SPOCK3: variants seen among roughly 807,000 people sequenced by gnomAD.
SPOCK3 encodes testican-3.
A neutral mutation model predicts 56.6 loss-of-function variants in SPOCK3; 30 were observed. The ratio of observed to expected loss-of-function variants is 0.53; its 90% confidence interval spans 0.40 to 0.72. The LOEUF (loss-of-function observed/expected upper bound fraction) is 0.72. Ranked by LOEUF, SPOCK3 falls within the 30% of genes least tolerant of loss-of-function variation. SPOCK3 has a pLI of 0.00. For synonymous variants in SPOCK3, 196 were observed against 183.3 expected, an observed-to-expected ratio of 1.07 and a Z score of -0.56; for missense variants, 527 against 530.0, an observed-to-expected ratio of 0.99 and a Z score of 0.06.
intron 6 of SPOCK3, among the ~76,000 whole-genome samples, chr4:166,842,283 T>C (rs1560919542): frequency 1.3e-5 from 2 of 152,232 alleles, no homozygotes; most frequent in Non-Finnish European, 2.9e-5. Context: ...ATTCCTTATC[T>C]GGCCCCACCC....
At chr4:166,985,564 A>G (rs1561086503) in intron 4 of SPOCK3, among the ~76,000 whole-genome samples, 1 of 152,162 alleles carries the variant, frequency 6.6e-6, no homozygotes, top group Non-Finnish European at 1.5e-5. Context: ...CTTAAATTGA[A>G]AAGTATCACA....
rs976106214 is a variant in SPOCK3, at chr4:166,950,023, T to C, written c.351-37280A>G. Reference sequence around the variant, plus strand: ...CCATCGAGACTAGGAAGAAACTGCATCAACTAACGAGCAAAATAACCAGCT... The same window carrying C: ...CCATCGAGACTAGGAAGAAACTGCACCAACTAACGAGCAAAATAACCAGCT... On this transcript the variant is annotated intron_variant, in intron 4 of 10. Coordinates refer to ENST00000357545, the MANE Select transcript of SPOCK3 (RefSeq NM_001040159.2). Among the ~76,000 whole-genome samples, 2 of 149,744 alleles carry C rather than the reference T, an allele frequency of 1.3e-5. 1 individual carries two copies. Among genetic ancestry groups the C allele is most frequent in the Admixed American group, 1.3e-4 (2 of 15,118 alleles).
At chr4:167,160,953 C>A (rs1445461582) in intron 2 of SPOCK3, among the ~76,000 whole-genome samples, 1 of 152,014 alleles carries the variant, frequency 6.6e-6, no homozygotes, top group Non-Finnish European at 1.5e-5. Context: ...AGAAGAAAAC[C>A]TAGGCAATAC....
chr4:167,038,299 AGAAAGAAAAG>A (rs1259655596), intron 3 of SPOCK3, among the ~76,000 whole-genome samples: 38 of 152,218 alleles, frequency 2.5e-4, no homozygotes, highest in African/African-American at 8.9e-4. Context: ...GTTTGACCAA[AGAAAGAAAAG>A]AAAGGGTAAA....
intron 2 of SPOCK3, among the ~76,000 whole-genome samples, chr4:167,169,875 G>T (rs1730344112): frequency 6.6e-6 from 1 of 152,192 alleles, no homozygotes; most frequent in South Asian, 2.1e-4. Context: ...TAATGAATGA[G>T]TCTCACAAGA....
At chr4:166,860,314 TAGAGAC>T (rs1267411098) in intron 6 of SPOCK3, among the ~76,000 whole-genome samples, 1 of 152,030 alleles carries the variant, frequency 6.6e-6, no homozygotes, top group Non-Finnish European at 1.5e-5. Flanking sequence ...TTACCTGGGG[TAGAGAC>T]ATTTTAAGTA....
intron 2 of SPOCK3, among the ~76,000 whole-genome samples, chr4:167,081,962 C>A (rs1021474143): frequency 3.3e-5 from 5 of 152,024 alleles, no homozygotes; most frequent in African/African-American, 1.2e-4. Context: ...TTGTTCCTCC[C>A]ATGAATTCTT....
At chr4:167,085,321 T>C (rs1758096016) in intron 2 of SPOCK3, among the ~76,000 whole-genome samples, 2 of 152,218 alleles carry the variant, frequency 1.3e-5, no homozygotes, top group Admixed American at 1.3e-4. Flanking sequence ...CCTTAGCTAT[T>C]AAATTGCTTA....
chr4:167,229,049 C>T (rs1736872041), intron 2 of SPOCK3, among the ~76,000 whole-genome samples: 1 of 152,088 alleles, frequency 6.6e-6, no homozygotes, highest in African/African-American at 2.4e-5. Flanking sequence ...TGCCTATGTT[C>T]TCAACTACAG....
intron 2 of SPOCK3, among the ~76,000 whole-genome samples, chr4:167,220,377 A>ATTTTTTTTTTT: frequency 2.1e-5 from 2 of 93,526 alleles, no homozygotes; most frequent in Non-Finnish European, 4.0e-5. Flanking sequence ...TACTGTAAGA[A>ATTTTTTTTTTT]CTTTTTTTTT....
chr4:166,978,928 G>C (rs1746276573), intron 4 of SPOCK3, among the ~76,000 whole-genome samples: 1 of 152,102 alleles, frequency 6.6e-6, no homozygotes, highest in Non-Finnish European at 1.5e-5. Flanking sequence ...GTGCGGAAGA[G>C]GCTGGGAAGG....
At position 166,754,680 on chromosome 4, in the gene SPOCK3, C is replaced by T. The variant is rs566748423; in HGVS notation, c.759G>A (p.Met253Ile). 6.2e-7 allele frequency: 1 copy of T among 1,613,686 alleles called. No homozygotes were observed. The highest frequency in any genetic ancestry group is 1.3e-5 in the African/African-American group (1 of 75,012). The stretch of plus-strand genomic sequence containing the variant: ...CATAGTTTGTATCAAGTCTGTTAAA[C>T]ATCCAGCCAAGTGAGTCCTTGCAAA... ...LPICKDSLGW[M>I]FNRLDTNYDL... The change falls in exon 8 of 11, where the codon ATG becomes ATA. Residue 253 changes from methionine (M) to isoleucine (I), a missense_variant. Physicochemically the swap from Met to Ile is conservative, Grantham distance 10. Coordinates refer to ENST00000357545, the MANE Select transcript of SPOCK3 (RefSeq NM_001040159.2).
At chr4:166,796,076 G>A (rs1004889286) in intron 6 of SPOCK3, among the ~76,000 whole-genome samples, 2 of 152,116 alleles carry the variant, frequency 1.3e-5, no homozygotes, top group African/African-American at 2.4e-5. Context: ...TCTATGAACC[G>A]GGACCTGGGC....
At chr4:167,026,138 T>G (rs1751677302) in intron 3 of SPOCK3, among the ~76,000 whole-genome samples, 1 of 152,120 alleles carries the variant, frequency 6.6e-6, no homozygotes, top group East Asian at 1.9e-4. Context: ...TGTTGTTGAT[T>G]GAAACATAAT....
intron 6 of SPOCK3, among the ~76,000 whole-genome samples, chr4:166,826,021 T>C (rs1224508613): frequency 3.3e-5 from 5 of 152,020 alleles, no homozygotes; most frequent in Non-Finnish European, 7.4e-5. Flanking sequence ...CAAAACCACC[T>C]GTTCCCCAAA....
chr4:167,208,000 G>C (rs927942232), intron 2 of SPOCK3, among the ~76,000 whole-genome samples: 11 of 152,120 alleles, frequency 7.2e-5, no homozygotes, highest in Admixed American at 7.2e-4. Flanking sequence ...GGCCTTCTGA[G>C]CTTCTCAGGT....
At chr4:167,222,467 GATTTATATATAAACATATAT>G (rs1426629020) in intron 2 of SPOCK3, among the ~76,000 whole-genome samples, 1 of 137,144 alleles carries the variant, frequency 7.3e-6, no homozygotes, top group Non-Finnish European at 1.6e-5. Context: ...AAATTATATA[GATTTATATATAAACATATAT>G]ATTACATATG....
At chr4:166,895,555 C>T (rs1735288862) in intron 5 of SPOCK3, among the ~76,000 whole-genome samples, 1 of 152,062 alleles carries the variant, frequency 6.6e-6, no homozygotes, top group South Asian at 2.1e-4. Context: ...GTTACCCAAA[C>T]ATAAAAATAC....
chr4:167,099,471 G>A (rs958886042), intron 2 of SPOCK3, among the ~76,000 whole-genome samples: 35 of 151,878 alleles, frequency 2.3e-4, no homozygotes, highest in African/African-American at 8.5e-4. Context: ...ACTTAGATCA[G>A]AGGTACGTGA....
Sources: gnomAD v4.1 joint callset for allele counts (sites outside exome capture counted in the v4.1 genomes callset) on GRCh38, gnomAD v4.1.1 for gene constraint, MANE v1.5 for transcripts, NCBI Gene and HGNC (gene_info 2026-07-23, HGNC 2026-07-21) for gene names.